CEP192: variants seen among roughly 807,000 people sequenced by gnomAD.
CEP192 encodes centrosomal protein 192.
Under a neutral mutation model 271.8 loss-of-function variants are expected in CEP192, and 151 were observed. The observed-to-expected ratio is 0.56, with a 90% CI of 0.49 to 0.64. The LOEUF is 0.64. Ranked by LOEUF, CEP192 falls within the 30% of genes least tolerant of loss-of-function variation. The probability of loss-of-function intolerance (pLI) is 0.00; values close to 1 mark genes in which losing one functional copy is unlikely to be tolerated. For missense variants in CEP192, 2,910 were observed against 3,020.5 expected (o/e 0.96, Z 0.86); for synonymous variants, 995 against 1,076.5 (o/e 0.92, Z 1.48).
rs191073576 is a variant in CEP192, at chr18:13,001,463, T to C, written c.171T>C (p.Pro57=). 2.3e-5 allele frequency: 35 copies of C among 1,540,138 alleles called. No homozygotes were observed. In the African/African-American group the frequency reaches 4.1e-4, roughly 18 times the overall value. ...RDRSSTDNRY[P]DIQASYLVEG... Reference sequence around the variant, plus strand: ...ACAAATTTTTTTTGTATAGGTATCCTGATATCCAGGCATCTTACTTAGTAG... The same window carrying C: ...ACAAATTTTTTTTGTATAGGTATCCCGATATCCAGGCATCTTACTTAGTAG... The change falls in exon 3 of 45, where the codon CCT becomes CCC. Residue 57 remains proline (P), a synonymous_variant. Transcript: ENST00000506447.
chr18:13,034,780 C>T (rs1304134034), intron 11 of CEP192, among the ~76,000 whole-genome samples: 9 of 149,060 alleles, frequency 6.0e-5, no homozygotes, highest in African/African-American at 2.0e-4. Flanking sequence ...GATTGCACCA[C>T]TGCCCTCCAG....
intron 44 of CEP192, among the ~76,000 whole-genome samples, chr18:13,122,681 G>A (rs903836765): frequency 6.6e-6 from 1 of 152,200 alleles, no homozygotes. Context: ...CAGGGAGTTG[G>A]GGGCTGAGTG....
chr18:13,124,907 T>C lies in CEP192; in HGVS notation c.*137T>C. Reference sequence around the variant, plus strand: ...AATTGTAGATTTTGTTTTTACAAGCTAATACTGAAGACTCGACTGAAATAT... The same window carrying C: ...AATTGTAGATTTTGTTTTTACAAGCCAATACTGAAGACTCGACTGAAATAT... On this transcript the variant is annotated 3_prime_UTR_variant, in exon 45 of 45. Coordinates refer to ENST00000506447, the MANE Select transcript of CEP192 (RefSeq NM_032142.4). 1.4e-6 allele frequency: 1 copy of C among 713,328 alleles called. No homozygotes were observed. Among genetic ancestry groups the C allele is most frequent in the South Asian group, 2.0e-5 (1 of 49,282 alleles). The allele number at this position is 713,328 out of a possible 1,614,324, so 44.2% of individuals were successfully genotyped here.
At chr18:13,056,783 G>A (rs2037129672) in intron 19 of CEP192, 85 bp downstream of exon 19, 2 of 1,123,002 alleles carry the variant, frequency 1.8e-6, no homozygotes, top group African/African-American at 1.6e-5. Flanking sequence ...AGGAGTTACT[G>A]GTTAGCATTA....
intron 11 of CEP192, among the ~76,000 whole-genome samples, chr18:13,035,756 G>T (rs1198069426): frequency 1.3e-5 from 2 of 152,178 alleles, no homozygotes; most frequent in Non-Finnish European, 2.9e-5. Context: ...AATCTTCATA[G>T]AAATATATGG....
Position 13,096,214 on chromosome 18 carries a change from T to C in CEP192, c.6464T>C (p.Ile2155Thr). 1 of 1,614,088 alleles carries C rather than the reference T, an allele frequency of 6.2e-7. No homozygotes were observed. The change falls in exon 36 of 45, where the codon ATT becomes ACT. Residue 2155 changes from isoleucine (I) to threonine (T), a missense_variant. By Grantham distance (89) the Ile-to-Thr change is moderately conservative (BLOSUM62 -1). Coordinates refer to ENST00000506447, the MANE Select transcript of CEP192 (RefSeq NM_032142.4). ...CDMAKTGRFQ[I>T]VNNSVRLLRF... The stretch of plus-strand genomic sequence containing the variant: ...ATGGCAAAAACTGGACGTTTCCAGA[T>C]TGTGAATAACTCTGTGAGGTTACTG...
chr18:13,098,578 G>T (rs1409141317), intron 36 of CEP192, among the ~76,000 whole-genome samples: 2 of 150,752 alleles, frequency 1.3e-5, no homozygotes, highest in Admixed American at 1.3e-4. Context: ...CATCTCAGAC[G>T]ATGGGCGGCC....
intron 3 of CEP192, among the ~76,000 whole-genome samples, chr18:13,002,643 GC>G (rs1320245699): frequency 3.4e-4 from 52 of 152,182 alleles, no homozygotes; most frequent in Admixed American, 3.1e-3. Context: ...GCCCTGCCCA[GC>G]ATTTGATGGT....
Position 13,030,627 on chromosome 18 carries a change from A to T in CEP192, c.1534+19A>T. The T allele has an allele frequency of 6.4e-7, 1 of 1,560,736 alleles. No individual in the cohort carries two copies. Among genetic ancestry groups the T allele is most frequent in the Non-Finnish European group, 8.8e-7 (1 of 1,136,610 alleles). ...TCTGGTTGTAAGTATATGGATAAACATTTATTATAACATTTTCACTGTTTC... is the reference window on the plus strand; with the variant it reads ...TCTGGTTGTAAGTATATGGATAAACTTTTATTATAACATTTTCACTGTTTC... On this transcript the variant is annotated intron_variant, in intron 11 of 44. Coordinates refer to ENST00000506447, the MANE Select transcript of CEP192 (RefSeq NM_032142.4).
intron 1 of CEP192, among the ~76,000 whole-genome samples, chr18:12,997,739 G>C (rs967069270): frequency 6.6e-6 from 1 of 151,818 alleles, no homozygotes; most frequent in Non-Finnish European, 1.5e-5. Flanking sequence ...TCTTATTTTT[G>C]GGGGGGATAG....
chr18:13,087,758 G>A, intron 32 of CEP192, 112 bp downstream of exon 32: 1 of 450,310 alleles, frequency 2.2e-6, no homozygotes, highest in African/African-American at 2.0e-5. Context: ...TAGTGAACTG[G>A]TAGATGAAAA....
chr18:13,097,412 C>T lies in CEP192; in HGVS notation c.6557+1105C>T, dbSNP rs932311707. 1.1e-4 allele frequency among the ~76,000 whole-genome samples: 17 copies of T among 152,218 alleles called. No homozygotes were observed. In the East Asian group the frequency reaches 1.4e-3, roughly 12 times the overall value. ...AGAAAATATAAGCAGCCGGGTCATACGGAAACACGTTTTTTTCTTCATTTC... is the reference window on the plus strand; with the variant it reads ...AGAAAATATAAGCAGCCGGGTCATATGGAAACACGTTTTTTTCTTCATTTC... On this transcript the variant is annotated intron_variant, in intron 36 of 44. Coordinates refer to ENST00000506447, the MANE Select transcript of CEP192 (RefSeq NM_032142.4).
intron 15 of CEP192, among the ~76,000 whole-genome samples, chr18:13,043,438 T>C (rs1305627499): frequency 6.6e-6 from 1 of 152,250 alleles, no homozygotes; most frequent in Non-Finnish European, 1.5e-5. Flanking sequence ...CGTGGGTATA[T>C]TTCTAGAGTC....
At chr18:13,037,013 G>A (rs1430717755) in intron 11 of CEP192, among the ~76,000 whole-genome samples, 2 of 152,218 alleles carry the variant, frequency 1.3e-5, no homozygotes, top group African/African-American at 2.4e-5. Flanking sequence ...TGAGTAAATT[G>A]GGGTACGTTA....
At chr18:12,995,546 G>A (rs9959522) in intron 1 of CEP192, among the ~76,000 whole-genome samples, 18,695 of 152,182 alleles carry the variant, frequency 0.12, 1,677 homozygotes, top group African/African-American at 0.24. Flanking sequence ...TTTATTGAGC[G>A]TCTCGTGCCA....
chr18:13,117,762 AC>A, intron 44 of CEP192, 119 bp downstream of exon 44: 3 of 723,090 alleles, frequency 4.1e-6, no homozygotes, highest in Non-Finnish European at 4.8e-6. Context: ...CCAGCACCAA[AC>A]AGCATTAGGC....
intron 9 of CEP192, among the ~76,000 whole-genome samples, chr18:13,026,375 C>T (rs1316708543): frequency 6.6e-6 from 1 of 152,068 alleles, no homozygotes; most frequent in Admixed American, 6.5e-5. Context: ...AAGTACAGCC[C>T]TATTGCAGTA....
chr18:13,029,608 T>C lies in CEP192; in HGVS notation c.1051-55T>C. The C allele has an allele frequency of 4.5e-6, 5 of 1,109,456 alleles. No individual in the cohort carries two copies. The Admixed American group carries it at 8.9e-5, about 20-fold the overall frequency. The allele number at this position is 1,109,456 out of a possible 1,614,324, so 68.7% of individuals were successfully genotyped here. On this transcript the variant is annotated intron_variant, in intron 9 of 44. Transcript: ENST00000506447. ...TTCCCATAAATTTTAAAATAAGTTA[T>C]AAAAAACAAGACTTACTGTTGCTCT...
chr18:13,100,309 T>G lies in CEP192; in HGVS notation c.6668T>G (p.Ile2223Ser), dbSNP rs753304954. 1.9e-6 allele frequency: 3 copies of G among 1,612,806 alleles called. No homozygotes were observed. The highest frequency in any genetic ancestry group is 2.5e-6 in the Non-Finnish European group (3 of 1,178,946). Residue 2223 changes from isoleucine (I) to serine (S), a missense_variant, in exon 38 of 45, where the codon ATT becomes AGT. By Grantham distance (142) the Ile-to-Ser change is moderately radical (BLOSUM62 -2). Coordinates refer to ENST00000506447, the MANE Select transcript of CEP192 (RefSeq NM_032142.4). ...CCTTTATTTGGCTCATTTCAGAAAA[T>G]TGTGAAAGTTCAAATTCGAGAAGAT... ...YIHCDDGQKK[I>S]VKVQIREDLT...
Sources: allele counts gnomAD v4.1 joint callset (sites outside exome capture counted in the v4.1 genomes callset), GRCh38; gene constraint gnomAD v4.1.1; transcripts MANE v1.5; gene names NCBI Gene and HGNC (gene_info 2026-07-23, HGNC 2026-07-21).